The following TRPM3 variants were observed in gnomAD, a reference collection of about 807,000 sequenced individuals.
TRPM3 encodes long transient receptor potential channel 3.
A neutral mutation model predicts 181.2 loss-of-function variants in TRPM3; 77 were observed. The ratio of observed to expected loss-of-function variants is 0.42; its 90% CI spans 0.35 to 0.51. The LOEUF (loss-of-function observed/expected upper bound fraction) is 0.51. TRPM3 is among the 20% of genes least tolerant of loss of function. The pLI, the probability that TRPM3 is intolerant of heterozygous loss-of-function variation, is 0.01. For synonymous variants in TRPM3, 745 were observed against 796.4 expected (o/e 0.94, Z 1.09); for missense variants, 1,759 against 2,196.7 (o/e 0.80, Z 3.98).
At chr9:70,817,247 G>GGT (rs2131524332) in intron 6 of TRPM3, among the ~76,000 whole-genome samples, 1 of 152,274 alleles carries the variant, frequency 6.6e-6, no homozygotes. Flanking sequence ...GAGCTAAAAT[G>GGT]GTGTGTGTGA....
chr9:71,340,141 G>T (rs192048763), intron 1 of TRPM3, among the ~76,000 whole-genome samples: 2 of 152,282 alleles, frequency 1.3e-5, no homozygotes, highest in African/African-American at 2.4e-5. Context: ...GCATGCCAGG[G>T]TTGAACAAAT....
chr9:70,622,251 T>G (rs933057576), intron 14 of TRPM3, among the ~76,000 whole-genome samples: 6 of 152,156 alleles, frequency 3.9e-5, no homozygotes, highest in African/African-American at 7.2e-5. Context: ...CCTCCAGAAC[T>G]GTGAGAAATG....
At position 70,974,863 on chromosome 9, in the gene TRPM3, A is replaced by ATTTTTTTTTTT. The variant is rs1177545043; in HGVS notation, c.178-110363_178-110353dup. On this transcript the variant is annotated intron_variant, in intron 1 of 25. Transcript: ENST00000677713. ...GTTCCACAGGAGTGATGGAACATCA[A>ATTTTTTTTTTT]TTTTTTTTTTTTTTTTTTTTGAGGT... Among the ~76,000 whole-genome samples, 230 of 117,954 alleles carry ATTTTTTTTTTT rather than the reference A, an allele frequency of 1.9e-3. 15 individuals are homozygous for ATTTTTTTTTTT. Among genetic ancestry groups the ATTTTTTTTTTT allele is most frequent in the Middle Eastern group, 5.2e-3 (1 of 192 alleles). 77.4% of individuals were successfully genotyped at this position (117,954 alleles called of 152,430 possible).
At position 71,041,971 on chromosome 9, in the gene TRPM3, G is replaced by T. The variant is rs562047114; in HGVS notation, c.177+79207C>A. The stretch of plus-strand genomic sequence containing the variant: ...ATAATAATAGCAGCTACTAATTATT[G>T]AATACCAATTTCATGTGAGGTACTG... On this transcript the variant is annotated intron_variant, in intron 1 of 25. Coordinates refer to ENST00000677713, the MANE Select transcript of TRPM3 (RefSeq NM_001366145.2). 2.6e-4 allele frequency among the ~76,000 whole-genome samples: 39 copies of T among 152,100 alleles called. No homozygotes were observed. The East Asian group carries it at 7.2e-3, about 28-fold the overall frequency.
chr9:71,441,630 CT>C (rs559254034), intron 1 of TRPM3, among the ~76,000 whole-genome samples: 1,428 of 114,574 alleles, frequency 0.012, 13 homozygotes, highest in African/African-American at 0.04. Flanking sequence ...TTTGACTCGG[CT>C]TTTTTTTTTT....
chr9:71,274,097 C>T (rs1588232673), intron 1 of TRPM3, among the ~76,000 whole-genome samples: 1 of 152,316 alleles, frequency 6.6e-6, no homozygotes, highest in East Asian at 1.9e-4. Context: ...TATCCATCTC[C>T]CTTATCCATT....
chr9:70,864,338 A>G (rs1191295199), intron 2 of TRPM3, 94 bp downstream of exon 2: 2 of 792,312 alleles, frequency 2.5e-6, no homozygotes, highest in Non-Finnish European at 3.8e-6. Context: ...ATTTAATTTG[A>G]CAGTGTTTCC....
chr9:71,145,657 T>C (rs1169934208), intron 1 of TRPM3, among the ~76,000 whole-genome samples: 1 of 152,072 alleles, frequency 6.6e-6, no homozygotes, highest in Non-Finnish European at 1.5e-5. Context: ...AAAAGGAAAG[T>C]ATACTACTTA....
chr9:71,339,819 G>C (rs577724599), intron 1 of TRPM3, among the ~76,000 whole-genome samples: 33 of 152,102 alleles, frequency 2.2e-4, no homozygotes, highest in Admixed American at 5.9e-4. Context: ...CTTTCCTGGT[G>C]AACACATGAC....
intron 1 of TRPM3, among the ~76,000 whole-genome samples, chr9:71,207,816 T>G (rs940371561): frequency 2.0e-4 from 30 of 152,170 alleles, no homozygotes; most frequent in African/African-American, 6.5e-4. Flanking sequence ...TAAAAGAACA[T>G]AGACAGTTGC....
At chr9:70,893,530 C>T (rs930578228) in intron 1 of TRPM3, among the ~76,000 whole-genome samples, 1 of 152,026 alleles carries the variant, frequency 6.6e-6, no homozygotes, top group African/African-American at 2.4e-5. Context: ...CCCATGGTGA[C>T]TACGAATGGT....
intron 1 of TRPM3, among the ~76,000 whole-genome samples, chr9:71,231,808 TA>T (rs1349401193): frequency 6.6e-6 from 1 of 152,150 alleles, no homozygotes; most frequent in Non-Finnish European, 1.5e-5. Flanking sequence ...GGGTTTGGGT[TA>T]AAAAACTACC....
intron 1 of TRPM3, among the ~76,000 whole-genome samples, chr9:71,336,860 C>T (rs1463081848): frequency 1.3e-5 from 2 of 152,104 alleles, no homozygotes; most frequent in African/African-American, 4.8e-5. Context: ...GGAAAGGATT[C>T]CCTATTTAAT....
chr9:71,170,110 G>A (rs1360840818), intron 1 of TRPM3, among the ~76,000 whole-genome samples: 3 of 151,808 alleles, frequency 2.0e-5, no homozygotes, highest in Admixed American at 1.3e-4. Context: ...TGGAAAATAA[G>A]AGGAAAGAAG....
At chr9:71,110,040 A>AT (rs955721273) in intron 1 of TRPM3, among the ~76,000 whole-genome samples, 1 of 152,108 alleles carries the variant, frequency 6.6e-6, no homozygotes, top group Non-Finnish European at 1.5e-5. Flanking sequence ...GACTGCATCA[A>AT]TTTTTTTAGA....
chr9:70,776,452 T>A, intron 7 of TRPM3: 1 of 713,664 alleles, frequency 1.4e-6, no homozygotes, highest in Non-Finnish European at 2.6e-6. Context: ...CTCTTCCTTT[T>A]TTCTTTCTCT....
At chr9:71,359,236 G>A (rs1456334494) in intron 1 of TRPM3, among the ~76,000 whole-genome samples, 1 of 152,214 alleles carries the variant, frequency 6.6e-6, no homozygotes, top group Non-Finnish European at 1.5e-5. Flanking sequence ...GTTCGGTGAA[G>A]AGTCAAATAG....
intron 1 of TRPM3, among the ~76,000 whole-genome samples, chr9:70,989,963 T>G (rs1000533496): frequency 2.6e-5 from 4 of 152,164 alleles, no homozygotes; most frequent in African/African-American, 9.7e-5. Flanking sequence ...GGGCACCTTA[T>G]GTGTGTTAAT....
intron 8 of TRPM3, among the ~76,000 whole-genome samples, chr9:70,686,734 C>A (rs2066985694): frequency 7.8e-6 from 1 of 129,010 alleles, no homozygotes; most frequent in Non-Finnish European, 1.7e-5. Flanking sequence ...TCCTTCCTTC[C>A]TTCCTTCCCT....
Sources: gnomAD v4.1 joint callset for allele counts (sites outside exome capture counted in the v4.1 genomes callset) on GRCh38, gnomAD v4.1.1 for gene constraint, MANE v1.5 for transcripts, NCBI Gene and HGNC (gene_info 2026-07-23, HGNC 2026-07-21) for gene names.